The following SAFB2 variants were observed in gnomAD, a reference collection of about 807,000 sequenced individuals.
SAFB2 encodes scaffold attachment factor B2.
SAFB2 carries 32 observed loss-of-function variants against 100.6 expected under a neutral mutation model. The observed-to-expected ratio is 0.32, with a 90% CI of 0.24 to 0.43. The LOEUF is 0.43. Ranked by LOEUF, SAFB2 falls within the 20% of genes least tolerant of loss-of-function variation. The probability of loss-of-function intolerance (pLI) is 1.00; values close to 1 mark genes in which losing one functional copy is unlikely to be tolerated. For missense variants in SAFB2, 1,185 were observed against 1,163.4 expected, an observed-to-expected ratio of 1.02 and a Z score of -0.27; for synonymous variants, 500 against 439.4, an observed-to-expected ratio of 1.14 and a Z score of -1.72.
Position 5,604,907 on chromosome 19 carries a change from G to A in SAFB2, c.1326C>T (p.Ala442=). Residue 442 remains alanine (A), a synonymous_variant, in exon 10 of 21, where the codon GCC becomes GCT. Coordinates refer to ENST00000252542, the MANE Select transcript of SAFB2 (RefSeq NM_014649.3). ...KVVGAKVVTN[A]RSPGARCYGF... is the part of the protein sequence containing the mutation. The stretch of plus-strand genomic sequence containing the variant: ...CATAGCATCGAGCCCCCGGGCTGCG[G>A]GCGTTCGTTACCACTTTGGCCCCGA... 1.2e-6 allele frequency: 2 copies of A among 1,613,666 alleles called. No homozygotes were observed. The highest frequency in any genetic ancestry group is 1.7e-6 in the Non-Finnish European group (2 of 1,180,030).
intron 14 of SAFB2, among the ~76,000 whole-genome samples, chr19:5,594,579 G>A (rs1212350096): frequency 6.6e-6 from 1 of 152,138 alleles, no homozygotes; most frequent in East Asian, 1.9e-4. Context: ...ACTGGACTCT[G>A]CTTGCAGTTT....
At chr19:5,605,009 T>A in intron 9 of SAFB2, 73 bp from the exon 10 acceptor site, 8 of 1,538,342 alleles carry the variant, frequency 5.2e-6, no homozygotes, top group Non-Finnish European at 7.1e-6. Flanking sequence ...TACCTGGCAA[T>A]CAGAATCATT....
At chr19:5,604,463 G>A in intron 11 of SAFB2, 120 bp downstream of exon 11, 2 of 660,858 alleles carry the variant, frequency 3.0e-6, no homozygotes, top group East Asian at 2.7e-5. Context: ...GACTCCAGCA[G>A]GAAGCTGGCA....
rs938583629 is a variant in SAFB2 at position 5,621,354 on chromosome 19, C to G, written c.229G>C (p.Glu77Gln). ...EGQDPDEIGI[E>Q]LEATSKKSAK... The stretch of plus-strand genomic sequence containing the variant: ...GACTTCTTGCTGGTGGCTTCTAACT[C>G]GATGCCAATTTCATCAGGATCTTGC... Residue 77 changes from glutamate (E) to glutamine (Q), a missense_variant, in exon 2 of 21, where the codon GAG becomes CAG. Transcript: ENST00000252542. The G allele has an allele frequency of 2.5e-6, 4 of 1,613,750 alleles. No individual in the cohort carries two copies. The highest frequency in any genetic ancestry group is 3.4e-6 in the Non-Finnish European group (4 of 1,179,760).
chr19:5,620,138 G>A (rs1249436180), intron 2 of SAFB2, among the ~76,000 whole-genome samples: 2 of 152,140 alleles, frequency 1.3e-5, no homozygotes, highest in East Asian at 3.8e-4. Flanking sequence ...CAGCAAAAAC[G>A]CATCCATGTG....
chr19:5,606,623 G>GAAAAC (rs2052780510), intron 9 of SAFB2, among the ~76,000 whole-genome samples: 1 of 151,794 alleles, frequency 6.6e-6, no homozygotes, highest in East Asian at 1.9e-4. Flanking sequence ...GTCTCTAAGG[G>GAAAAC]AAAACAAAAC....
intron 6 of SAFB2, 140 bp downstream of exon 6, chr19:5,612,400 A>T (rs2052927542): frequency 2.5e-6 from 2 of 792,448 alleles, no homozygotes; most frequent in Non-Finnish European, 4.2e-6. Context: ...TGGGTTTCCA[A>T]TCTCTGATCC....
chr19:5,598,463 AC>A (rs1258631551), intron 13 of SAFB2: 1 of 325,854 alleles, frequency 3.1e-6, no homozygotes, highest in Non-Finnish European at 5.8e-6. Flanking sequence ...TATTAAGTCA[AC>A]CAAAGAGTAG....
chr19:5,616,010 G>A (rs2053020136), intron 4 of SAFB2, 122 bp downstream of exon 4: 3 of 837,148 alleles, frequency 3.6e-6, no homozygotes, highest in Admixed American at 2.2e-5. Context: ...TAACACCAGG[G>A]TGTAGAAGCA....
intron 13 of SAFB2, among the ~76,000 whole-genome samples, chr19:5,596,501 T>G (rs1231184900): frequency 6.6e-6 from 1 of 152,156 alleles, no homozygotes; most frequent in African/African-American, 2.4e-5. Context: ...CACACCACCA[T>G]GCCTGACTAA....
rs1421930911 is a variant in SAFB2, at chr19:5,587,263, G to A, written c.2842C>T (p.His948Tyr). The A allele has an allele frequency of 6.2e-7, 1 of 1,612,966 alleles. No individual in the cohort carries two copies. The highest frequency in any genetic ancestry group is 8.5e-7 in the Non-Finnish European group (1 of 1,179,738). ...GGGACTTAGTAGCGGCGGGTGAAGT[G>A]GGGGTACGGGGGGGGATGAGGGTGT... ...HPHPHPPPYP[H>Y]FTRRY Residue 948 changes from histidine to tyrosine, a missense_variant, in exon 21 of 21, where the codon CAC (histidine) becomes TAC (tyrosine). Transcript: ENST00000252542. This position sits in a 1 kb window ranked among gnomAD's most constrained non-coding sequence, Gnocchi z 4.9.
At chr19:5,614,083 A>G (rs2052970833) in intron 4 of SAFB2, among the ~76,000 whole-genome samples, 1 of 152,042 alleles carries the variant, frequency 6.6e-6, no homozygotes, top group African/African-American at 2.4e-5. Flanking sequence ...CCTCCCGAGG[A>G]GCTAGGATTA....
Position 5,587,432 on chromosome 19 carries a change from T to A in SAFB2, c.2706-33A>T. 1 of 1,582,956 alleles carries A rather than the reference T, an allele frequency of 6.3e-7. No homozygotes were observed. The highest frequency in any genetic ancestry group is 8.6e-7 in the Non-Finnish European group (1 of 1,162,970). On this transcript the variant is annotated intron_variant, in intron 20 of 20. Transcript: ENST00000252542. The surrounding 1 kb of genome is among the most constrained non-coding windows in gnomAD (Gnocchi z 4.9). ...CAAAGTCAGACAATTTTTTTCCCCT[T>A]GAAGTGCTCAGCGTTTTCATCGTAA...
chr19:5,618,133 T>C (rs2053071027), intron 2 of SAFB2, among the ~76,000 whole-genome samples: 1 of 151,776 alleles, frequency 6.6e-6, no homozygotes, highest in African/African-American at 2.4e-5. Context: ...TAAGACCGAG[T>C]CTCTCTAACA....
At chr19:5,609,078 CAACAAACA>C (rs1264010605) in intron 9 of SAFB2, among the ~76,000 whole-genome samples, 149 of 127,928 alleles carry the variant, frequency 1.2e-3, no homozygotes, top group Middle Eastern at 4.1e-3. Flanking sequence ...AAAAAAAGAA[CAACAAACA>C]AACAAAAAAA....
At chr19:5,600,394 A>G (rs2052630362) in intron 11 of SAFB2, 134 bp from the exon 12 acceptor site, 2 of 1,125,384 alleles carry the variant, frequency 1.8e-6, no homozygotes, top group Admixed American at 5.6e-5. Flanking sequence ...AGGTGGGAAA[A>G]ATTATTTGGA....
intron 6 of SAFB2, 186 bp downstream of exon 6, chr19:5,612,354 G>T: frequency 1.6e-6 from 1 of 625,784 alleles, no homozygotes; most frequent in Non-Finnish European, 2.8e-6. Flanking sequence ...ACCTCAAGAA[G>T]CCAGAATGGC....
Position 5,594,030 on chromosome 19 carries a change from C to CGCGCTCCAGCCGCTCCCGCTCCAT in SAFB2, c.2044_2067dup (p.Met682_Arg689dup). 1.3e-6 allele frequency: 2 copies of CGCGCTCCAGCCGCTCCCGCTCCAT among 1,569,726 alleles called. No homozygotes were observed. The highest frequency in any genetic ancestry group is 1.7e-6 in the Non-Finnish European group (2 of 1,164,766). ...CGCTCACGCTCCACGCGCATGCGCT[C>CGCGCTCCAGCCGCTCCCGCTCCAT]GCGCTCCAGCCGCTCCCGCTCCATG... On this transcript the variant is annotated inframe_insertion, in exon 15 of 21. Transcript: ENST00000252542.
rs1368383457 is a variant in SAFB2, at chr19:5,616,156, G to A, written c.519C>T (p.Leu173=). ...CAGCATGCTCTGGGGGCTGAGCCGG[G>A]AGCTGTCTCAGCTGTGCAGCCACGT... ...KEYVAAQLRQ[L]PAQPPEHAVD... Residue 173 remains leucine, a synonymous_variant, in exon 4 of 21, where the codon CTC becomes CTT. Transcript: ENST00000252542. 2 of 1,614,058 alleles carry A rather than the reference G, an allele frequency of 1.2e-6. No homozygotes were observed. The highest frequency in any genetic ancestry group is 2.7e-5 in the African/African-American group (2 of 74,926).
Sources: allele counts gnomAD v4.1 joint callset (sites outside exome capture counted in the v4.1 genomes callset), GRCh38; gene constraint gnomAD v4.1.1; non-coding constraint Gnocchi (gnomAD v3.1); transcripts MANE v1.5; gene names NCBI Gene and HGNC (gene_info 2026-07-23, HGNC 2026-07-21).